ATP9A: variants seen among roughly 807,000 people sequenced by gnomAD.
The protein encoded by ATP9A is probable phospholipid-transporting ATPase IIA.
A neutral mutation model predicts 144.1 loss-of-function variants in ATP9A; 52 were observed. That is an observed-to-expected ratio of 0.36 (90% CI 0.29 to 0.45). The LOEUF is 0.45. Among genes scored for constraint, ATP9A ranks in the 20% least tolerant of loss-of-function variants. The pLI is 1.00. For missense variants in ATP9A, 947 were observed against 1,392.7 expected (o/e 0.68, Z 5.09); for synonymous variants, 582 against 557.4 (o/e 1.04, Z -0.62).
chr20:51,612,593 T>A (rs2122713717), intron 23 of ATP9A, among the ~76,000 whole-genome samples: 1 of 152,138 alleles, frequency 6.6e-6, no homozygotes, highest in Non-Finnish European at 1.5e-5. Context: ...TCCAGCTAAT[T>A]TTTGTATTTT....
intron 3 of ATP9A, among the ~76,000 whole-genome samples, chr20:51,723,527 T>C (rs777296415): frequency 2.8e-4 from 42 of 151,438 alleles, no homozygotes; most frequent in Non-Finnish European, 5.0e-4. Flanking sequence ...TGAGCTATGA[T>C]TGCACACTGC....
At chr20:51,617,933 C>T (rs1438776950) in intron 21 of ATP9A, among the ~76,000 whole-genome samples, 1 of 152,066 alleles carries the variant, frequency 6.6e-6, no homozygotes, top group Non-Finnish European at 1.5e-5. Context: ...AAAGGTGATC[C>T]TTTTTAGGCT....
intron 24 of ATP9A, among the ~76,000 whole-genome samples, chr20:51,608,921 A>ATGTGTGTG (rs1491526287): frequency 7.4e-3 from 230 of 31,042 alleles, no homozygotes; most frequent in African/African-American, 0.023. Flanking sequence ...AGGAAATAAG[A>ATGTGTGTG]CGTGTGTGTG....
At chr20:51,673,510 G>C (rs1448275550) in intron 11 of ATP9A, among the ~76,000 whole-genome samples, 1 of 152,104 alleles carries the variant, frequency 6.6e-6, no homozygotes, top group African/African-American at 2.4e-5. Flanking sequence ...TTCCCTTTGA[G>C]CCCAGATGCA....
At chr20:51,690,481 G>A (rs1203728728) in intron 8 of ATP9A, among the ~76,000 whole-genome samples, 1 of 152,072 alleles carries the variant, frequency 6.6e-6, no homozygotes, top group Non-Finnish European at 1.5e-5. Flanking sequence ...TCTTTCAGAC[G>A]CCAGCGTTCA....
chr20:51,739,576 G>T (rs565742267), intron 1 of ATP9A, among the ~76,000 whole-genome samples: 15 of 151,520 alleles, frequency 9.9e-5, no homozygotes, highest in African/African-American at 3.6e-4. Context: ...GGATGGTCTC[G>T]ATCTCCTGAC....
chr20:51,669,854 A>G (rs1238320194), intron 13 of ATP9A, 143 bp downstream of exon 13: 1 of 664,408 alleles, frequency 1.5e-6, no homozygotes, highest in East Asian at 2.7e-5. Context: ...ACAGTTGCTC[A>G]ACTCTGAATA....
intron 13 of ATP9A, among the ~76,000 whole-genome samples, chr20:51,659,737 A>C (rs2077403494): frequency 6.6e-6 from 1 of 152,238 alleles, no homozygotes; most frequent in Non-Finnish European, 1.5e-5. Flanking sequence ...GATGGGTTAC[A>C]AGAAACAAGA....
chr20:51,685,841 T>C (rs942034163), intron 9 of ATP9A, among the ~76,000 whole-genome samples: 30 of 152,138 alleles, frequency 2.0e-4, no homozygotes, highest in African/African-American at 6.0e-4. Context: ...AGAAATACCA[T>C]TTGACCCAGC....
In ATP9A at chr20:51,758,176, A is replaced by T. The variant is rs77899962; in HGVS notation, c.68+10126T>A. Among the ~76,000 whole-genome samples the T allele has an allele frequency of 8.1e-3, 1,231 of 152,372 alleles. 11 individuals carry two copies. The highest frequency in any genetic ancestry group is 0.028 in the African/African-American group (1,148 of 41,592). ...TCATTTGGTACAAACAGAAGGGCTC[A>T]TAAAAATAATTGCTAACCTTTCATA... On this transcript the variant is annotated intron_variant, in intron 1 of 27. Transcript: ENST00000338821.
intron 14 of ATP9A, among the ~76,000 whole-genome samples, chr20:51,642,993 T>C (rs2122752279): frequency 6.6e-6 from 1 of 152,164 alleles, no homozygotes; most frequent in Middle Eastern, 3.4e-3. Flanking sequence ...CTCTGCAAAA[T>C]AAAGATCTTG....
chr20:51,646,601 TG>T (rs1218154881), intron 14 of ATP9A, among the ~76,000 whole-genome samples: 1 of 152,120 alleles, frequency 6.6e-6, no homozygotes, highest in African/African-American at 2.4e-5. Context: ...CAGGGCCATG[TG>T]GGGGTCAGAA....
At chr20:51,655,826 G>A (rs1169956882) in intron 14 of ATP9A, among the ~76,000 whole-genome samples, 1 of 151,322 alleles carries the variant, frequency 6.6e-6, no homozygotes, top group East Asian at 1.9e-4. Flanking sequence ...TCAAATACTT[G>A]TACACAATTG....
At chr20:51,652,924 C>G (rs539205660) in intron 14 of ATP9A, among the ~76,000 whole-genome samples, 1 of 151,862 alleles carries the variant, frequency 6.6e-6, no homozygotes. Context: ...CTGGCTAACA[C>G]GGTGAAACCC....
intron 8 of ATP9A, 61 bp from the exon 9 acceptor site, chr20:51,689,200 G>A: frequency 6.5e-7 from 1 of 1,540,470 alleles, no homozygotes; most frequent in South Asian, 1.1e-5. Context: ...TCCACAGGCT[G>A]CTTCTAGCAT....
intron 18 of ATP9A, among the ~76,000 whole-genome samples, chr20:51,622,908 T>C (rs530123734): frequency 1.3e-5 from 2 of 152,250 alleles, no homozygotes; most frequent in Admixed American, 6.5e-5. Flanking sequence ...AGGGAAAGTA[T>C]AGGAAAGAAG....
chr20:51,686,099 A>C (rs1473961931), intron 9 of ATP9A, among the ~76,000 whole-genome samples: 2 of 152,162 alleles, frequency 1.3e-5, no homozygotes, highest in South Asian at 4.1e-4. Context: ...CATCATTCTC[A>C]GCAAACTATC....
chr20:51,710,302 T>TAA (rs11480539), intron 4 of ATP9A, among the ~76,000 whole-genome samples: 8 of 151,084 alleles, frequency 5.3e-5, no homozygotes, highest in East Asian at 3.9e-4. Flanking sequence ...AAACTCCGTC[T>TAA]AAAAAAAAAG....
In ATP9A at chr20:51,671,107, C is replaced by T; in HGVS notation, c.1180+8G>A. Reference sequence around the variant, plus strand: ...GGAATCCTGCGCAGGTCCCAGAAAGCAGCTCACCTGTCTTGTCTGTGAGTA... The same window carrying T: ...GGAATCCTGCGCAGGTCCCAGAAAGTAGCTCACCTGTCTTGTCTGTGAGTA... On this transcript the variant is annotated splice_region_variant and intron_variant, in intron 12 of 27. Transcript: ENST00000338821. The T allele has an allele frequency of 6.2e-7, 1 of 1,610,470 alleles. No individual in the cohort carries two copies. Among genetic ancestry groups the T allele is most frequent in the Non-Finnish European group, 8.5e-7 (1 of 1,176,876 alleles).
Sources: gnomAD v4.1 joint callset for allele counts (sites outside exome capture counted in the v4.1 genomes callset) on GRCh38, gnomAD v4.1.1 for gene constraint, MANE v1.5 for transcripts, NCBI Gene and HGNC (gene_info 2026-07-23, HGNC 2026-07-21) for gene names.